Variants in ITSN1 observed in about 807,000 individuals in gnomAD.
ITSN1 encodes the protein intersectin 1, also known as intersectin-1.
In ITSN1, 58 loss-of-function variants were observed where a neutral mutation model predicts 239.8. The observed-to-expected ratio is 0.24, with a 90% CI of 0.20 to 0.30. ITSN1 has a LOEUF of 0.30. Among genes scored for constraint, ITSN1 ranks in the 10% least tolerant of loss-of-function variants. The probability of loss-of-function intolerance (pLI) is 1.00; values close to 1 mark genes in which losing one functional copy is unlikely to be tolerated. For synonymous variants in ITSN1, 780 were observed against 770.8 expected (o/e 1.01, Z -0.20); for missense variants, 1,558 against 2,103.3 (o/e 0.74, Z 5.07).
intron 1 of ITSN1, among the ~76,000 whole-genome samples, chr21:33,704,815 G>A (rs570617633): frequency 4.6e-5 from 7 of 151,502 alleles, no homozygotes; most frequent in Non-Finnish European, 7.4e-5. Context: ...TTGGCCGGGC[G>A]CGGTGGCTCA....
intron 29 of ITSN1, chr21:33,836,947 G>T: frequency 6.6e-7 from 1 of 1,511,088 alleles, no homozygotes. Flanking sequence ...TTTGCTCATT[G>T]TTTTGTTTTG....
chr21:33,854,976 G>A (rs1979039737), intron 29 of ITSN1, among the ~76,000 whole-genome samples: 1 of 152,148 alleles, frequency 6.6e-6, no homozygotes, highest in South Asian at 2.1e-4. Flanking sequence ...AAGGACAATT[G>A]GCCCAGAGAA....
In ITSN1 at chr21:33,837,907, A is replaced by G. The variant is rs149668117; in HGVS notation, c.3661+1275A>G. On this transcript the variant is annotated intron_variant, in intron 29 of 39. Transcript: ENST00000381318. ...GAGGTCGTTACGATCAACGATATCC[A>G]CAGTCTCTTTTTAGTCTCTGTTACA... 275 of 985,824 alleles carry G rather than the reference A, an allele frequency of 2.8e-4. No individual in the cohort carries two copies. The Middle Eastern group carries it at 4.7e-3, about 17-fold the overall frequency. The allele number at this position is 985,824 out of a possible 1,614,324, so 61.1% of individuals were successfully genotyped here.
intron 1 of ITSN1, among the ~76,000 whole-genome samples, chr21:33,674,943 A>G (rs2090504263): frequency 6.6e-6 from 1 of 152,130 alleles, no homozygotes; most frequent in Non-Finnish European, 1.5e-5. Flanking sequence ...AAAATAATAT[A>G]TGCTCATTAT....
rs1321788913 is a variant in ITSN1 at position 33,867,351 on chromosome 21, T to C, written c.4173+20T>C. The C allele has an allele frequency of 7.0e-7, 1 of 1,424,466 alleles. No individual in the cohort carries two copies. Among genetic ancestry groups the C allele is most frequent in the South Asian group, 1.1e-5 (1 of 87,304 alleles). The allele number at this position is 1,424,466 out of a possible 1,614,324, so 88.2% of individuals were successfully genotyped here. ...AAAAATGTAAGTACCTGTCTTGCCT[T>C]TTCAAGCAGGGGACGGCTTTCTCTG... On this transcript the variant is annotated intron_variant, in intron 33 of 39. Coordinates refer to ENST00000381318, the MANE Select transcript of ITSN1 (RefSeq NM_003024.3).
chr21:33,864,527 T>C (rs1167954027), intron 31 of ITSN1, among the ~76,000 whole-genome samples: 1 of 152,198 alleles, frequency 6.6e-6, no homozygotes, highest in African/African-American at 2.4e-5. Flanking sequence ...TTCCAGGATA[T>C]ACATTTTTTG....
intron 34 of ITSN1, among the ~76,000 whole-genome samples, chr21:33,880,739 A>G (rs1018140809): frequency 6.6e-6 from 1 of 152,094 alleles, no homozygotes; most frequent in African/African-American, 2.4e-5. Context: ...CTCGTAGCTC[A>G]GGACAGAGCT....
intron 22 of ITSN1, chr21:33,817,546 G>T: frequency 7.7e-7 from 1 of 1,304,190 alleles, no homozygotes; most frequent in Non-Finnish European, 1.0e-6. Flanking sequence ...TGGTACACTT[G>T]GTTGTTTTTA....
At chr21:33,832,616 T>C (rs977335026) in intron 27 of ITSN1, among the ~76,000 whole-genome samples, 2 of 151,468 alleles carry the variant, frequency 1.3e-5, no homozygotes, top group African/African-American at 4.9e-5. Context: ...TGGGAAAGAG[T>C]GGTGTCATTG....
chr21:33,698,949 T>TATAG (rs1293809764), intron 1 of ITSN1, among the ~76,000 whole-genome samples: 1 of 152,202 alleles, frequency 6.6e-6, no homozygotes, highest in African/African-American at 2.4e-5. Context: ...TTTGAATTGT[T>TATAG]ATAGATGCAA....
intron 24 of ITSN1, among the ~76,000 whole-genome samples, chr21:33,823,229 A>T (rs1028024883): frequency 2.0e-5 from 3 of 152,236 alleles, no homozygotes; most frequent in Non-Finnish European, 4.4e-5. Flanking sequence ...GTCGGTAAAC[A>T]TGCAGTTGGG....
intron 20 of ITSN1, among the ~76,000 whole-genome samples, chr21:33,810,673 C>A (rs2072836460): frequency 6.6e-6 from 1 of 152,128 alleles, no homozygotes; most frequent in Non-Finnish European, 1.5e-5. Context: ...CTTCCCAAAT[C>A]AAAATATTTA....
At position 33,896,136 on chromosome 21, in the gene ITSN1, G is replaced by A. The variant is rs923043447; in HGVS notation, c.*7836G>A. ...AAACGTCTGCATTTATTTCCTAAAA[G>A]CACAAATGGCCTGGACTAGCTAGTG... On this transcript the variant is annotated 3_prime_UTR_variant, in exon 40 of 40. Coordinates refer to ENST00000381318, the MANE Select transcript of ITSN1 (RefSeq NM_003024.3). The A allele has an allele frequency of 5.3e-5, 8 of 152,286 alleles. No homozygotes were observed. The highest frequency in any genetic ancestry group is 1.7e-4 in the African/African-American group (7 of 41,466). The allele number at this position is 152,286 out of a possible 1,614,324, so 9.4% of individuals were successfully genotyped here. A position where few individuals can be genotyped will look rare whatever the true frequency, so the allele number is the denominator to read the frequency against.
intron 16 of ITSN1, among the ~76,000 whole-genome samples, chr21:33,785,012 C>T (rs2070539985): frequency 1.3e-5 from 2 of 152,116 alleles, no homozygotes; most frequent in South Asian, 2.1e-4. Flanking sequence ...GTATCCTAAA[C>T]CTTCCTTTCC....
At chr21:33,873,350 C>T (rs1011549262) in intron 33 of ITSN1, among the ~76,000 whole-genome samples, 4 of 152,224 alleles carry the variant, frequency 2.6e-5, no homozygotes, top group Non-Finnish European at 5.9e-5. Flanking sequence ...TGGTACACTT[C>T]AAAGGTGGCT....
At chr21:33,721,394 A>T (rs775243229) in intron 3 of ITSN1, 124 bp downstream of exon 3, 2 of 660,604 alleles carry the variant, frequency 3.0e-6, no homozygotes, top group Non-Finnish European at 5.3e-6. Context: ...GTTTTGCCCT[A>T]ACCTTGTGCC....
At chr21:33,796,103 A>G (rs976535900) in intron 17 of ITSN1, among the ~76,000 whole-genome samples, 2 of 152,118 alleles carry the variant, frequency 1.3e-5, no homozygotes, top group Non-Finnish European at 2.9e-5. Context: ...AGCTGGGACT[A>G]CAGGTGTGTG....
Position 33,661,437 on chromosome 21 carries a change from C to CT in ITSN1, c.-33+18736dup, listed in dbSNP as rs879942325. ...CAAAGACATCCTGTTGTAAAACTGA[C>CT]TTTTTTTTTTTTATGTGAGTGTTTG... On this transcript the variant is annotated intron_variant, in intron 1 of 39. Transcript: ENST00000381318. Among the ~76,000 whole-genome samples the CT allele has an allele frequency of 6.5e-3, 946 of 145,052 alleles. 7 individuals carry two copies. The highest frequency in any genetic ancestry group is 0.018 in the African/African-American group (732 of 39,752).
chr21:33,818,228 G>T (rs373636018), intron 22 of ITSN1, 39 bp from the exon 23 acceptor site: 5 of 1,560,932 alleles, frequency 3.2e-6, no homozygotes, highest in Middle Eastern at 3.4e-4. Context: ...ATAACAAAGC[G>T]CAACATAACG....
Sources: allele counts gnomAD v4.1 joint callset (sites outside exome capture counted in the v4.1 genomes callset), GRCh38; gene constraint gnomAD v4.1.1; transcripts MANE v1.5; gene names NCBI Gene and HGNC (gene_info 2026-07-23, HGNC 2026-07-21).